ZNF112: variants seen among roughly 807,000 people sequenced by gnomAD.
The protein encoded by ZNF112 is zinc finger protein 112, also known as zinc finger protein 112 (Y14).
Under a neutral mutation model 77.7 loss-of-function variants are expected in ZNF112, and 37 were observed. The ratio of observed to expected loss-of-function variants is 0.48; its 90% CI spans 0.37 to 0.63. The LOEUF (loss-of-function observed/expected upper bound fraction) is 0.63, where lower values mean the gene tolerates loss of function less well. Among genes scored for constraint, ZNF112 ranks in the 20% least tolerant of loss-of-function variants. The pLI is 0.00. For missense variants in ZNF112, 950 were observed against 1,077.4 expected (o/e 0.88, Z 1.66); for synonymous variants, 333 against 363.6 (o/e 0.92, Z 0.96).
In ZNF112 at chr19:44,329,427, AC is replaced by A; in HGVS notation, c.729del (p.Glu243AspfsTer70). The A allele has an allele frequency of 6.2e-7, 1 of 1,613,862 alleles. No individual in the cohort carries two copies. Among genetic ancestry groups the A allele is most frequent in the Non-Finnish European group, 8.5e-7 (1 of 1,179,928 alleles). On this transcript the variant is annotated frameshift_variant, in exon 4 of 4. Coordinates refer to ENST00000354340, the MANE Select transcript of ZNF112 (RefSeq NM_013380.4). LOFTEE classifies it high-confidence loss of function. ...TAGGGCTTCTCCTCTGTTTGAATTG[AC>A]TCCTGATTAAGTAATGATACCTTCA... ...DIMKVSLLNQ[E>X]SIQTEEKPYP...
chr19:44,363,150 T>A (rs4614843), intron 1 of ZNF112, among the ~76,000 whole-genome samples: 70,188 of 151,600 alleles, frequency 0.46, 18,920 homozygotes, highest in South Asian at 0.62. Flanking sequence ...TTTTTTTTTT[T>A]TGCAAAGATG....
upstream of ZNF112, among the ~76,000 whole-genome samples, chr19:44,359,963 A>G (rs1318891375): frequency 6.6e-6 from 1 of 152,186 alleles, no homozygotes; most frequent in East Asian, 1.9e-4. Context: ...TAGAATGGAA[A>G]ATGACAGGTC....
At chr19:44,364,135 T>C (rs1970880876) in intron 1 of ZNF112, among the ~76,000 whole-genome samples, 1 of 152,060 alleles carries the variant, frequency 6.6e-6, no homozygotes, top group South Asian at 2.1e-4. Context: ...GTCTCGAACT[T>C]CTGACCTTGG....
Position 44,328,908 on chromosome 19 carries a change from T to G in ZNF112, c.1249A>C (p.Ser417Arg). Residue 417 changes from serine to arginine, a missense_variant, in exon 4 of 4, where the codon AGT (serine) becomes CGT (arginine). Transcript: ENST00000354340. ...TCAAGATTTGAACTACAAATGAAAC[T>G]CTTTCCATACTCTATATCTGTGTAT... is the stretch of plus-strand genomic sequence containing the variant. ...KLYTDIEYGK[S>R]FICSSNLDIQ... The G allele has an allele frequency of 6.2e-7, 1 of 1,614,008 alleles. No individual in the cohort carries two copies. The highest frequency in any genetic ancestry group is 1.7e-5 in the Admixed American group (1 of 59,980).
At chr19:44,348,062 A>C (rs544245198) in intron 1 of ZNF112, among the ~76,000 whole-genome samples, 16 of 152,284 alleles carry the variant, frequency 1.1e-4, no homozygotes, top group Non-Finnish European at 2.1e-4. Context: ...ATCCACGTAT[A>C]TCTGAATCAT....
In ZNF112 at chr19:44,337,387, A is replaced by AT. The variant is rs1568665637; in HGVS notation, c.125-670_125-669insA. On this transcript the variant is annotated intron_variant, in intron 2 of 3. Coordinates refer to ENST00000354340, the MANE Select transcript of ZNF112 (RefSeq NM_013380.4). Reference sequence around the variant, plus strand: ...TTATTATATATATTTTATATATAATAATATATATAATATATATTTTATATA... The same window carrying AT: ...TTATTATATATATTTTATATATAATATATATATATAATATATATTTTATATA... Among the ~76,000 whole-genome samples the AT allele has an allele frequency of 2.9e-4, 15 of 51,312 alleles. 1 individual carries two copies. Among genetic ancestry groups the AT allele is most frequent in the Non-Finnish European group, 4.7e-4 (10 of 21,096 alleles). 33.7% of individuals were successfully genotyped at this position (51,312 alleles called of 152,430 possible).
At chr19:44,354,351 A>G (rs1350019848) in intron 1 of ZNF112, among the ~76,000 whole-genome samples, 1 of 152,264 alleles carries the variant, frequency 6.6e-6, no homozygotes, top group Middle Eastern at 3.4e-3. Context: ...CAAAATAGTC[A>G]ATGTCACTGT....
intron 3 of ZNF112, among the ~76,000 whole-genome samples, chr19:44,330,970 C>T (rs899887005): frequency 1.3e-5 from 2 of 152,160 alleles, no homozygotes; most frequent in African/African-American, 4.8e-5. Context: ...AAGGTAAATA[C>T]AGACTTTTAC....
In ZNF112 at chr19:44,336,861, C is replaced by A. The variant is rs919907774; in HGVS notation, c.125-143G>T. On this transcript the variant is annotated intron_variant, in intron 2 of 3. Transcript: ENST00000354340. ...GTTACCTTCCACTCACTATAAGAAA[C>A]TAACTTCATGATTTTCTTTTTTTTT... 5.0e-6 allele frequency: 3 copies of A among 596,480 alleles called. No homozygotes were observed. In the African/African-American group the frequency reaches 5.7e-5, roughly 11 times the overall value. The allele number at this position is 596,480 out of a possible 1,614,324, so 36.9% of individuals were successfully genotyped here.
chr19:44,338,616 T>G (rs1970431866), intron 2 of ZNF112, among the ~76,000 whole-genome samples: 1 of 152,130 alleles, frequency 6.6e-6, no homozygotes, highest in South Asian at 2.1e-4. Context: ...CTATTAAAAA[T>G]AAGGGAAGAG....
chr19:44,329,652 G>C lies in ZNF112; in HGVS notation c.505C>G (p.Pro169Ala). The C allele has an allele frequency of 6.2e-7, 1 of 1,614,090 alleles. No homozygotes were observed. The highest frequency in any genetic ancestry group is 1.7e-4 in the Middle Eastern group (1 of 6,058). The change falls in exon 4 of 4, where the codon CCA (proline) becomes GCA (alanine). Residue 169 changes from proline (P) to alanine (A), a missense_variant. By Grantham distance (27) the Pro-to-Ala change is conservative (BLOSUM62 -1). This residue lies in a region of ZNF112 where 560 missense variants were observed against 557.3 expected (regional missense o/e 1.00). Coordinates refer to ENST00000354340, the MANE Select transcript of ZNF112 (RefSeq NM_013380.4). The part of the protein sequence containing the change: ...GSNYIKSQGY[P>A]SWRAHHSWRK... ...CAAGAATGATGTGCCCTCCAAGATGGATACCCTTGACTTTTTATATAATTG... is the reference window on the plus strand; with the variant it reads ...CAAGAATGATGTGCCCTCCAAGATGCATACCCTTGACTTTTTATATAATTG...
At chr19:44,340,292 T>C in intron 2 of ZNF112, 124 bp downstream of exon 2, 2 of 1,317,894 alleles carry the variant, frequency 1.5e-6, no homozygotes, top group Non-Finnish European at 2.1e-6. Context: ...GCACGGGGAT[T>C]ATTAGGACTC....
intron 1 of ZNF112, among the ~76,000 whole-genome samples, chr19:44,364,812 G>C (rs1293582449): frequency 1.3e-5 from 2 of 152,152 alleles, no homozygotes; most frequent in Non-Finnish European, 2.9e-5. Context: ...TAACAGACTT[G>C]AACATCCGCG....
chr19:44,336,802 C>A (rs1970376912), intron 2 of ZNF112, 84 bp from the exon 3 acceptor site: 1 of 1,022,774 alleles, frequency 9.8e-7, no homozygotes, highest in African/African-American at 1.6e-5. Flanking sequence ...TATACACAGA[C>A]AAGTGAGACT....
At position 44,330,636 on chromosome 19, in the gene ZNF112, T is replaced by A. The variant is rs149831290; in HGVS notation, c.221-700A>T. ...CTGTAGTCCCCGTTACTGAGGAGGCTGAGGCAGGAGAATAACTTGAACCCA... is the reference window on the plus strand; with the variant it reads ...CTGTAGTCCCCGTTACTGAGGAGGCAGAGGCAGGAGAATAACTTGAACCCA... On this transcript the variant is annotated intron_variant, in intron 3 of 3. Coordinates refer to ENST00000354340, the MANE Select transcript of ZNF112 (RefSeq NM_013380.4). Among the ~76,000 whole-genome samples, 391 of 152,272 alleles carry A rather than the reference T, an allele frequency of 2.6e-3. 2 individuals are homozygous for A. The highest frequency in any genetic ancestry group is 0.012 in the Admixed American group (189 of 15,290).
chr19:44,327,374 T>C lies in ZNF112; in HGVS notation c.*59A>G. The C allele has an allele frequency of 7.2e-7, 1 of 1,387,494 alleles. No individual in the cohort carries two copies. Among genetic ancestry groups the C allele is most frequent in the Admixed American group, 2.6e-5 (1 of 38,706 alleles). The allele number at this position is 1,387,494 out of a possible 1,614,324, so 85.9% of individuals were successfully genotyped here. On this transcript the variant is annotated 3_prime_UTR_variant, in exon 4 of 4. Transcript: ENST00000354340. ...AACATTACATTTTAATTTTTAAAAA[T>C]TCTTTTTCTACTGAAAGAACTCTAG...
upstream of ZNF112, among the ~76,000 whole-genome samples, chr19:44,357,259 C>T (rs1057235810): frequency 9.2e-5 from 14 of 152,092 alleles, no homozygotes; most frequent in Non-Finnish European, 1.9e-4. Context: ...GCGGACTTTA[C>T]CTACCTACCT....
chr19:44,339,608 G>A (rs1390966029), intron 2 of ZNF112, among the ~76,000 whole-genome samples: 3 of 152,188 alleles, frequency 2.0e-5, no homozygotes, highest in African/African-American at 7.2e-5. Flanking sequence ...GAACGCTCCT[G>A]GACTCTGCCT....
intron 1 of ZNF112, among the ~76,000 whole-genome samples, chr19:44,355,586 C>A (rs1452949275): frequency 1.3e-5 from 2 of 152,182 alleles, no homozygotes; most frequent in Non-Finnish European, 2.9e-5. Context: ...CCAGCTCAGG[C>A]TCTTACCACC....
Sources: allele counts gnomAD v4.1 joint callset (sites outside exome capture counted in the v4.1 genomes callset), GRCh38; gene constraint gnomAD v4.1.1; regional missense constraint gnomAD v4.1.1; transcripts MANE v1.5; gene names NCBI Gene and HGNC (gene_info 2026-07-23, HGNC 2026-07-21).